The following ANKRD13A variants were observed in gnomAD, a reference collection of about 807,000 sequenced individuals.
ANKRD13A encodes the protein ankyrin repeat domain 13A, also known as ankyrin repeat domain-containing protein 13A.
Under a neutral mutation model 81.3 loss-of-function variants are expected in ANKRD13A, and 48 were observed. The ratio of observed to expected loss-of-function variants is 0.59; its 90% CI spans 0.47 to 0.75. ANKRD13A has a LOEUF of 0.75. ANKRD13A is among the 30% of genes least tolerant of loss of function. ANKRD13A has a pLI of 0.00. For missense variants in ANKRD13A, 612 were observed against 734.0 expected, an observed-to-expected ratio of 0.83 and a Z score of 1.92; for synonymous variants, 230 against 270.1, an observed-to-expected ratio of 0.85 and a Z score of 1.45.
rs1891750215 is a variant in ANKRD13A, at chr12:110,032,522, G to A, written c.1349-1275G>A. 3 of 152,310 alleles carry A rather than the reference G, an allele frequency of 2.0e-5. No homozygotes were observed. In the South Asian group the frequency reaches 6.2e-4, roughly 32 times the overall value. 9.4% of individuals were successfully genotyped at this position (152,310 alleles called of 1,614,324 possible). A position where few individuals can be genotyped will look rare whatever the true frequency, so the allele number is the denominator to read the frequency against. On this transcript the variant is annotated intron_variant, in intron 12 of 14. Coordinates refer to ENST00000261739, the MANE Select transcript of ANKRD13A (RefSeq NM_033121.2). ...TCGTGCACTCTTGGCTGGAAGAGGAGATTGGTATAGTTCCTTGAATAAAAC... is the reference window on the plus strand; with the variant it reads ...TCGTGCACTCTTGGCTGGAAGAGGAAATTGGTATAGTTCCTTGAATAAAAC...
At chr12:110,009,953 C>T (rs759706025) in intron 1 of ANKRD13A, among the ~76,000 whole-genome samples, 132 of 152,340 alleles carry the variant, frequency 8.7e-4, no homozygotes, top group Middle Eastern at 6.8e-3. Flanking sequence ...CAACCTCCGC[C>T]TCCCAGGTTC....
intron 11 of ANKRD13A, 81 bp from the exon 12 acceptor site, chr12:110,030,564 T>G: frequency 2.7e-6 from 2 of 742,784 alleles, no homozygotes; most frequent in South Asian, 2.0e-5. Flanking sequence ...GTACTTGGCA[T>G]AGTAAGCACT....
chr12:110,014,789 C>CTTTTTTTTTTTTTTTTTTTTTTTTTTT (rs761398140), intron 3 of ANKRD13A, among the ~76,000 whole-genome samples: 1 of 135,708 alleles, frequency 7.4e-6, no homozygotes, highest in Non-Finnish European at 1.5e-5. Flanking sequence ...CATTTCTCTT[C>CTTTTTTTTTTTTTTTTTTTTTTTTTTT]TTTTTTTTTT....
In ANKRD13A at chr12:110,018,569, A is replaced by T; in HGVS notation, c.544+81A>T. ...TAACCAAGAAAATGCTTTCACATTCATGTGACTTTTCTGTCTGATCCTTCC... is the reference window on the plus strand; with the variant it reads ...TAACCAAGAAAATGCTTTCACATTCTTGTGACTTTTCTGTCTGATCCTTCC... On this transcript the variant is annotated intron_variant, in intron 5 of 14. Transcript: ENST00000261739. The surrounding 1 kb of genome is among the most constrained non-coding windows in gnomAD (Gnocchi z 4.4). The T allele has an allele frequency of 6.6e-7, 1 of 1,523,190 alleles. No homozygotes were observed. The highest frequency in any genetic ancestry group is 9.0e-7 in the Non-Finnish European group (1 of 1,114,728). The allele number at this position is 1,523,190 out of a possible 1,614,324, so 94.4% of individuals were successfully genotyped here.
chr12:110,005,187 T>C (rs1362300231), intron 1 of ANKRD13A, among the ~76,000 whole-genome samples: 11 of 152,172 alleles, frequency 7.2e-5, no homozygotes, highest in Admixed American at 7.2e-4. Context: ...GGTCTCACTC[T>C]CTTGCCTAGG....
At position 109,999,894 on chromosome 12, in the gene ANKRD13A, C is replaced by A; in HGVS notation, c.96+110C>A. 1 of 999,216 alleles carries A rather than the reference C, an allele frequency of 1.0e-6. No individual in the cohort carries two copies. The allele number at this position is 999,216 out of a possible 1,614,324, so 61.9% of individuals were successfully genotyped here. ...CCTCTGTCCCCGGGATCCCCAGACCCCTTCCACTTTGCAGGTGTGGGACAG... is the reference window on the plus strand; with the variant it reads ...CCTCTGTCCCCGGGATCCCCAGACCACTTCCACTTTGCAGGTGTGGGACAG... On this transcript the variant is annotated intron_variant, in intron 1 of 14. Coordinates refer to ENST00000261739, the MANE Select transcript of ANKRD13A (RefSeq NM_033121.2). This position sits in a 1 kb window ranked among gnomAD's most constrained non-coding sequence, Gnocchi z 4.3.
In ANKRD13A at chr12:110,036,835, T is replaced by C. The variant is rs1202203489; in HGVS notation, c.1577+507T>C. On this transcript the variant is annotated intron_variant, in intron 14 of 14. Transcript: ENST00000261739. The surrounding 1 kb of genome is among the most constrained non-coding windows in gnomAD (Gnocchi z 4.6). ...TAACTCTAGACTCTTGATAGCAAGTTTCCAGGAATGGGTGATAGAATTGCT... is the reference window on the plus strand; with the variant it reads ...TAACTCTAGACTCTTGATAGCAAGTCTCCAGGAATGGGTGATAGAATTGCT... 6.6e-6 allele frequency among the ~76,000 whole-genome samples: 1 copy of C among 152,182 alleles called. No individual in the cohort carries two copies. The highest frequency in any genetic ancestry group is 1.5e-5 in the Non-Finnish European group (1 of 68,032).
intron 3 of ANKRD13A, 107 bp from the exon 4 acceptor site, chr12:110,016,280 CT>C (rs74731825): frequency 0.22 from 142,896 of 638,710 alleles, 12 homozygotes; most frequent in East Asian, 0.27. Context: ...CTTATTTTCT[CT>C]TTTTTTTTTT....
chr12:110,018,327 T>C lies in ANKRD13A; in HGVS notation c.401-18T>C. 6.2e-7 allele frequency: 1 copy of C among 1,613,602 alleles called. No individual in the cohort carries two copies. On this transcript the variant is annotated intron_variant, in intron 4 of 14. Transcript: ENST00000261739. This position sits in a 1 kb window ranked among gnomAD's most constrained non-coding sequence, Gnocchi z 4.4. ...TTGGCCCTTGAGTTTTTCTCAGTAG[T>C]ACACTTCTCTCCTCCAGTGCCCTTG... is the stretch of plus-strand genomic sequence containing the variant.
chr12:110,033,431 T>G (rs1392713838), intron 12 of ANKRD13A, among the ~76,000 whole-genome samples: 1 of 152,074 alleles, frequency 6.6e-6, no homozygotes, highest in Non-Finnish European at 1.5e-5. Context: ...TATTATCATT[T>G]TTAAGTGTTC....
At chr12:110,022,788 C>A (rs1394063698) in intron 6 of ANKRD13A, among the ~76,000 whole-genome samples, 1 of 152,224 alleles carries the variant, frequency 6.6e-6, no homozygotes, top group African/African-American at 2.4e-5. Flanking sequence ...TCCTTACCTT[C>A]TGCCCCTGTG....
At chr12:110,025,856 G>A (rs774785959) in intron 8 of ANKRD13A, 33 bp downstream of exon 8, 3 of 1,588,142 alleles carry the variant, frequency 1.9e-6, no homozygotes, top group East Asian at 2.2e-5. Context: ...CTCCTGTTTT[G>A]TTGTTATTTT....
rs1892093815 is a variant in ANKRD13A at position 110,036,972 on chromosome 12, G to T, written c.1578-387G>T. On this transcript the variant is annotated intron_variant, in intron 14 of 14. Transcript: ENST00000261739. The surrounding 1 kb of genome is among the most constrained non-coding windows in gnomAD (Gnocchi z 4.6). ...TCACAGGGCCTAGATGTCCTCAGTG[G>T]GAAGTTTATATAATTGTAAAGATAA... 1.3e-5 allele frequency among the ~76,000 whole-genome samples: 2 copies of T among 152,146 alleles called. No homozygotes were observed.
chr12:110,033,014 A>G (rs1264364301), intron 12 of ANKRD13A, among the ~76,000 whole-genome samples: 1 of 150,714 alleles, frequency 6.6e-6, no homozygotes, highest in African/African-American at 2.4e-5. Flanking sequence ...TTAACAAGGG[A>G]TGTGCCCGCA....
intron 1 of ANKRD13A, among the ~76,000 whole-genome samples, chr12:110,005,015 A>G (rs929246703): frequency 6.6e-6 from 1 of 152,254 alleles, no homozygotes; most frequent in Non-Finnish European, 1.5e-5. Flanking sequence ...GATTTTTTCA[A>G]AAGATTTTTA....
At chr12:110,033,739 A>G (rs1891849872) in intron 12 of ANKRD13A, 58 bp from the exon 13 acceptor site, 2 of 1,450,804 alleles carry the variant, frequency 1.4e-6, no homozygotes, top group Admixed American at 5.0e-5. Flanking sequence ...CATTTTTGCA[A>G]AAAGTTGGAG....
chr12:110,028,780 T>A, intron 10 of ANKRD13A, 138 bp downstream of exon 10: 1 of 1,215,564 alleles, frequency 8.2e-7, no homozygotes. Flanking sequence ...CTCTGTCGCC[T>A]AGGCTGGAGT....
intron 4 of ANKRD13A, among the ~76,000 whole-genome samples, chr12:110,017,924 T>A (rs1890874456): frequency 6.7e-6 from 1 of 150,222 alleles, no homozygotes; most frequent in Non-Finnish European, 1.5e-5. Flanking sequence ...AGGGTGAGAC[T>A]CCGTCTCAAA....
At chr12:110,029,283 G>T in intron 10 of ANKRD13A, 195 bp from the exon 11 acceptor site, 1 of 492,502 alleles carries the variant, frequency 2.0e-6, no homozygotes, top group Non-Finnish European at 3.5e-6. Flanking sequence ...CAGGTCGCTT[G>T]CCTTTATTGC....
Sources: gnomAD v4.1 joint callset for allele counts (sites outside exome capture counted in the v4.1 genomes callset) on GRCh38, gnomAD v4.1.1 for gene constraint, Gnocchi (gnomAD v3.1) non-coding constraint, MANE v1.5 for transcripts, NCBI Gene and HGNC (gene_info 2026-07-23, HGNC 2026-07-21) for gene names.